The following PRSS55 variants were observed in gnomAD, a reference collection of about 807,000 sequenced individuals.
PRSS55 encodes the protein serine protease 55, also known as probable serine protease UNQ9391/PRO34284.
In PRSS55, 41 loss-of-function variants were observed where a neutral mutation model predicts 23.6. The ratio of observed to expected loss-of-function variants is 1.74; its 90% CI spans 1.35 to 2.26. PRSS55 has a LOEUF of 2.26. Ranked by LOEUF, PRSS55 falls within the 30% of genes most tolerant of loss-of-function variation. The probability of loss-of-function intolerance (pLI) is 0.00; values close to 1 mark genes in which losing one functional copy is unlikely to be tolerated. For missense variants in PRSS55, 669 were observed against 439.1 expected (o/e 1.52, Z -4.68); for synonymous variants, 262 against 175.5 (o/e 1.49, Z -3.90).
chr8:10,550,204 T>C (rs1345679435), intron 4 of PRSS55, among the ~76,000 whole-genome samples: 2 of 152,186 alleles, frequency 1.3e-5, no homozygotes, highest in African/African-American at 4.8e-5. Context: ...ATTACAGCTG[T>C]GAGCCATTGC....
intron 3 of PRSS55, among the ~76,000 whole-genome samples, chr8:10,532,422 G>A (rs1007040083): frequency 6.6e-6 from 1 of 152,200 alleles, no homozygotes; most frequent in African/African-American, 2.4e-5. Flanking sequence ...AAGGGCCTCT[G>A]CAAATCCCCT....
At chr8:10,540,717 A>G (rs1424405122), downstream of PRSS55, 3 of 152,168 alleles carry the variant, frequency 2.0e-5, no homozygotes, top group Admixed American at 2.0e-4. Flanking sequence ...TCTATCTCCA[A>G]AAAAAAAGAA....
At chr8:10,548,451 G>T (rs569914141) in intron 4 of PRSS55, among the ~76,000 whole-genome samples, 1 of 152,246 alleles carries the variant, frequency 6.6e-6, no homozygotes, top group East Asian at 1.9e-4. Flanking sequence ...GGGCCCTCAC[G>T]GGTGGGGCCC....
At chr8:10,530,025 G>A (rs1812193546) in intron 2 of PRSS55, among the ~76,000 whole-genome samples, 3 of 152,186 alleles carry the variant, frequency 2.0e-5, no homozygotes, top group Non-Finnish European at 2.9e-5. Context: ...CCATCTAGGG[G>A]GAAATCCTTG....
At chr8:10,548,404 G>A (rs577537063) in intron 4 of PRSS55, among the ~76,000 whole-genome samples, 1 of 152,264 alleles carries the variant, frequency 6.6e-6, no homozygotes, top group East Asian at 1.9e-4. Flanking sequence ...TTCCAGGAGA[G>A]GCTTGTCCCC....
intron 4 of PRSS55, among the ~76,000 whole-genome samples, chr8:10,550,370 A>G (rs1812925435): frequency 6.6e-6 from 1 of 152,184 alleles, no homozygotes; most frequent in African/African-American, 2.4e-5. Flanking sequence ...GGCCGAGCCT[A>G]TGGAGTCAGC....
chr8:10,551,852 T>C (rs1159584817), intron 4 of PRSS55, among the ~76,000 whole-genome samples: 1 of 152,246 alleles, frequency 6.6e-6, no homozygotes, highest in African/African-American at 2.4e-5. Flanking sequence ...GTGCTTTCCA[T>C]CTGCCCATTT....
downstream of PRSS55, among the ~76,000 whole-genome samples, chr8:10,543,090 T>C (rs1037307838): frequency 3.9e-5 from 6 of 152,064 alleles, no homozygotes; most frequent in East Asian, 3.9e-4. Context: ...AGAGGTTGCA[T>C]GGGACCAGGC....
chr8:10,529,999 C>T (rs1005864325), intron 2 of PRSS55, among the ~76,000 whole-genome samples: 4 of 152,214 alleles, frequency 2.6e-5, no homozygotes, highest in African/African-American at 9.6e-5. Flanking sequence ...AAATGCCTCT[C>T]CTAGGGCATT....
intron 2 of PRSS55, among the ~76,000 whole-genome samples, chr8:10,530,372 G>C (rs1051844798): frequency 6.6e-6 from 1 of 152,234 alleles, no homozygotes; most frequent in African/African-American, 2.4e-5. Flanking sequence ...CTGTTCAGGA[G>C]GCTGAGACAG....
rs763560158 is a variant in PRSS55, at chr8:10,525,571, G to A, written c.-15G>A. ...GGCCTCTGTCACCCCCGGGCCCACAGCACAGCCCAGGGCCATGCTCCTGTT... is the reference window on the plus strand; with the variant it reads ...GGCCTCTGTCACCCCCGGGCCCACAACACAGCCCAGGGCCATGCTCCTGTT... On this transcript the variant is annotated 5_prime_UTR_variant, in exon 1 of 5. Transcript: ENST00000328655. 3.7e-6 allele frequency: 6 copies of A among 1,610,350 alleles called. No individual in the cohort carries two copies. In the South Asian group the frequency reaches 6.6e-5, roughly 18 times the overall value.
rs1811993986 is a variant in PRSS55, at chr8:10,525,708, T to C, written c.123T>C (p.Pro41=). The C allele has an allele frequency of 6.2e-7, 1 of 1,611,758 alleles. No individual in the cohort carries two copies. The highest frequency in any genetic ancestry group is 1.7e-5 in the Admixed American group (1 of 59,612). Residue 41 remains proline, a synonymous_variant, in exon 1 of 5, where the codon CCT becomes CCC. Coordinates refer to ENST00000328655, the MANE Select transcript of PRSS55 (RefSeq NM_198464.4). The part of the protein sequence containing the change: ...ILGRARGAHR[P]QPPHPPSPVS... Reference sequence around the variant, plus strand: ...GCAGGGCTAGGGGAGCCCACCGCCCTCAGCCCCCTCATCCCCCCAGCCCAG... The same window carrying C: ...GCAGGGCTAGGGGAGCCCACCGCCCCCAGCCCCCTCATCCCCCCAGCCCAG...
At chr8:10,542,172 A>C (rs1812674732), downstream of PRSS55, among the ~76,000 whole-genome samples, 1 of 152,170 alleles carries the variant, frequency 6.6e-6, no homozygotes, top group South Asian at 2.1e-4. Context: ...CTACAGGATT[A>C]TCATGTGTGT....
intron 4 of PRSS55, among the ~76,000 whole-genome samples, chr8:10,537,562 C>T (rs1360563517): frequency 8.3e-6 from 1 of 120,402 alleles, no homozygotes; most frequent in Non-Finnish European, 1.8e-5. Flanking sequence ...TTATAGACAA[C>T]AAGTGTATAT....
At chr8:10,543,022 G>C (rs547344021), downstream of PRSS55, among the ~76,000 whole-genome samples, 1 of 152,178 alleles carries the variant, frequency 6.6e-6, no homozygotes, top group South Asian at 2.1e-4. Context: ...GCAAGTTTCT[G>C]ATGTCACCTT....
chr8:10,541,416 C>G (rs1481312387), downstream of PRSS55: 1 of 152,260 alleles, frequency 6.6e-6, no homozygotes, highest in Non-Finnish European at 1.5e-5. Flanking sequence ...AGCCGCCCAC[C>G]TTCAGACTTC....
chr8:10,528,364 T>G (rs1354666086), intron 1 of PRSS55, among the ~76,000 whole-genome samples: 1 of 152,150 alleles, frequency 6.6e-6, no homozygotes, highest in African/African-American at 2.4e-5. Context: ...TCTGTTGAGC[T>G]GATGGTTGGA....
chr8:10,529,417 A>C, intron 1 of PRSS55, 90 bp from the exon 2 acceptor site: 1 of 1,317,294 alleles, frequency 7.6e-7, no homozygotes, highest in Non-Finnish European at 1.1e-6. Context: ...TCCACTTGGA[A>C]GCCTGCTCCT....
chr8:10,548,791 C>A (rs748562257), intron 4 of PRSS55, among the ~76,000 whole-genome samples: 23 of 152,180 alleles, frequency 1.5e-4, no homozygotes, highest in Non-Finnish European at 2.6e-4. Flanking sequence ...AGGCAGCCCT[C>A]CTGGTCACAC....
Sources: gnomAD v4.1 joint callset for allele counts (sites outside exome capture counted in the v4.1 genomes callset) on GRCh38, gnomAD v4.1.1 for gene constraint, MANE v1.5 for transcripts, NCBI Gene and HGNC (gene_info 2026-07-23, HGNC 2026-07-21) for gene names.